SPOP: variants seen among roughly 807,000 people sequenced by gnomAD.
SPOP encodes speckle-type POZ protein.
In SPOP, 11 loss-of-function variants were observed where a neutral mutation model predicts 45.6. The observed-to-expected ratio is 0.24, with a 90% CI of 0.15 to 0.40. The LOEUF (loss-of-function observed/expected upper bound fraction) is 0.40, where lower values mean the gene tolerates loss of function less well. SPOP is among the 10% of genes least tolerant of loss of function. The probability of loss-of-function intolerance (pLI) is 1.00; values close to 1 mark genes in which losing one functional copy is unlikely to be tolerated. For missense variants in SPOP, 152 were observed against 465.6 expected, an observed-to-expected ratio of 0.33 and a Z score of 6.20; for synonymous variants, 166 against 166.3, an observed-to-expected ratio of 1.00 and a Z score of 0.01.
intron 1 of SPOP, among the ~76,000 whole-genome samples, chr17:49,629,550 A>C (rs866647225): frequency 1.3e-5 from 2 of 152,252 alleles, no homozygotes; most frequent in Admixed American, 6.5e-5. Flanking sequence ...TGAAAACAAA[A>C]ATCAGTAACT....
chr17:49,608,748 A>C (rs2143169766), intron 6 of SPOP, among the ~76,000 whole-genome samples: 1 of 152,320 alleles, frequency 6.6e-6, no homozygotes, highest in Middle Eastern at 3.4e-3. Context: ...CATGTTGTCA[A>C]ATAAATCAGG....
intron 1 of SPOP, among the ~76,000 whole-genome samples, chr17:49,671,914 G>T (rs1007186478): frequency 6.6e-6 from 1 of 152,164 alleles, no homozygotes. Context: ...GCCGAGGCAG[G>T]TGGATCACAA....
At chr17:49,615,940 T>C (rs895794504) in intron 5 of SPOP, among the ~76,000 whole-genome samples, 4 of 152,094 alleles carry the variant, frequency 2.6e-5, no homozygotes, top group African/African-American at 9.7e-5. Flanking sequence ...GCTCAAAGGA[T>C]TGTAATAAGG....
At chr17:49,646,938 C>G (rs1597964585) in intron 1 of SPOP, among the ~76,000 whole-genome samples, 2 of 152,056 alleles carry the variant, frequency 1.3e-5, no homozygotes, top group East Asian at 3.8e-4. Flanking sequence ...GAGAAAGATA[C>G]TTATATTCTC....
chr17:49,663,428 C>G (rs972384790), intron 1 of SPOP, among the ~76,000 whole-genome samples: 5 of 152,228 alleles, frequency 3.3e-5, no homozygotes, highest in African/African-American at 1.2e-4. Context: ...AGCTATTACT[C>G]ATCAGCATAA....
At chr17:49,658,867 T>G (rs2072949918) in intron 1 of SPOP, among the ~76,000 whole-genome samples, 1 of 152,258 alleles carries the variant, frequency 6.6e-6, no homozygotes, top group African/African-American at 2.4e-5. Flanking sequence ...CTTCATGTGC[T>G]CATCCATGCT....
At chr17:49,626,875 G>A (rs927185824) in intron 1 of SPOP, among the ~76,000 whole-genome samples, 5 of 151,582 alleles carry the variant, frequency 3.3e-5, no homozygotes, top group African/African-American at 7.3e-5. Context: ...TTTTTGAGAC[G>A]GAATCTTTCT....
chr17:49,656,944 G>A (rs2072920238), intron 1 of SPOP, among the ~76,000 whole-genome samples: 1 of 152,150 alleles, frequency 6.6e-6, no homozygotes, highest in African/African-American at 2.4e-5. Flanking sequence ...CACTTTGGGA[G>A]GCCGAGGCAG....
At chr17:49,648,645 G>C (rs1249716613) in intron 1 of SPOP, among the ~76,000 whole-genome samples, 5 of 152,320 alleles carry the variant, frequency 3.3e-5, no homozygotes, top group African/African-American at 1.2e-4. Flanking sequence ...TCAGAACCTA[G>C]ACAATGGGGG....
intron 1 of SPOP, among the ~76,000 whole-genome samples, chr17:49,632,620 G>A (rs187886019): frequency 2.8e-4 from 43 of 152,006 alleles, no homozygotes; most frequent in Admixed American, 2.6e-3. Context: ...AGCCTCCCAA[G>A]TAGCTGGGAT....
chr17:49,671,597 CAAT>C (rs1162139927), intron 1 of SPOP, among the ~76,000 whole-genome samples: 1 of 151,756 alleles, frequency 6.6e-6, no homozygotes, highest in Non-Finnish European at 1.5e-5. Flanking sequence ...GACACTAAAA[CAAT>C]GAGAGTGAAA....
chr17:49,617,013 C>T (rs2072101849), intron 5 of SPOP, among the ~76,000 whole-genome samples: 1 of 152,222 alleles, frequency 6.6e-6, no homozygotes, highest in Admixed American at 6.5e-5. Flanking sequence ...GGATAAGAGA[C>T]TGCCAAGTGA....
At chr17:49,665,649 G>GACACAC (rs71352530) in intron 1 of SPOP, among the ~76,000 whole-genome samples, 5,657 of 126,682 alleles carry the variant, frequency 0.045, 185 homozygotes, top group East Asian at 0.08. Context: ...TATATATACA[G>GACACAC]ACACACACAC....
At chr17:49,628,805 A>G (rs2072391417) in intron 1 of SPOP, among the ~76,000 whole-genome samples, 1 of 152,202 alleles carries the variant, frequency 6.6e-6, no homozygotes, top group Non-Finnish European at 1.5e-5. Flanking sequence ...CCTACGGTGC[A>G]CTTCTTTCCT....
chr17:49,634,401 A>C (rs576108429), intron 1 of SPOP, among the ~76,000 whole-genome samples: 1 of 152,342 alleles, frequency 6.6e-6, no homozygotes, highest in East Asian at 1.9e-4. Context: ...GAAGAGCTGA[A>C]AAAGGATCAG....
At chr17:49,640,689 T>C (rs909366048) in intron 1 of SPOP, among the ~76,000 whole-genome samples, 1 of 152,158 alleles carries the variant, frequency 6.6e-6, no homozygotes, top group African/African-American at 2.4e-5. Context: ...TCCCTCTGAG[T>C]GAAAGCCTTA....
At chr17:49,615,006 G>A (rs1320262221) in intron 5 of SPOP, among the ~76,000 whole-genome samples, 2 of 151,802 alleles carry the variant, frequency 1.3e-5, no homozygotes, top group Non-Finnish European at 2.9e-5. Context: ...CTACAGGCAC[G>A]TGCCATCATA....
chr17:49,628,052 G>GA (rs1374756764), intron 1 of SPOP, among the ~76,000 whole-genome samples: 1 of 152,194 alleles, frequency 6.6e-6, no homozygotes, highest in Admixed American at 6.5e-5. Flanking sequence ...ATGACCAGCA[G>GA]AAAAAAATTT....
chr17:49,673,414 G>A (rs2143586857), intron 1 of SPOP, among the ~76,000 whole-genome samples: 2 of 152,108 alleles, frequency 1.3e-5, no homozygotes, highest in Admixed American at 1.3e-4. Context: ...GCTGAGGCAG[G>A]AGAATGGCAT....
Sources: gnomAD v4.1 joint callset for allele counts (sites outside exome capture counted in the v4.1 genomes callset) on GRCh38, gnomAD v4.1.1 for gene constraint, MANE v1.5 for transcripts, NCBI Gene and HGNC (gene_info 2026-07-23, HGNC 2026-07-21) for gene names.